Variants in ANO6 observed in about 807,000 individuals in gnomAD.
The protein encoded by ANO6 is anoctamin-6.
A neutral mutation model predicts 117.5 loss-of-function variants in ANO6; 106 were observed. That is an observed-to-expected ratio of 0.90 (90% CI 0.77 to 1.06). ANO6 has a LOEUF of 1.06. Ranked by LOEUF, ANO6 falls within the 50% of genes least tolerant of loss-of-function variation. The pLI is 0.00. For missense variants in ANO6, 955 were observed against 1,121.1 expected (o/e 0.85, Z 2.12); for synonymous variants, 367 against 385.1 (o/e 0.95, Z 0.55).
chr12:45,438,316 T>C (rs1047784560), intron 19 of ANO6, among the ~76,000 whole-genome samples: 2 of 152,010 alleles, frequency 1.3e-5, no homozygotes, highest in Non-Finnish European at 2.9e-5. Context: ...ACATATATAT[T>C]TCATTCCAAG....
In ANO6 at chr12:45,367,760, C is replaced by G; in HGVS notation, c.1071C>G (p.Phe357Leu). 1 of 1,613,664 alleles carries G rather than the reference C, an allele frequency of 6.2e-7. No homozygotes were observed. The highest frequency in any genetic ancestry group is 8.5e-7 in the Non-Finnish European group (1 of 1,179,852). Residue 357 changes from phenylalanine (F) to leucine (L), a missense_variant, in exon 9 of 20, where the codon TTC (phenylalanine) becomes TTG (leucine). Transcript: ENST00000320560. ...MCPQCDRLCPFWKLNITCESS... is the reference protein window; with the variant it reads ...MCPQCDRLCPLWKLNITCESS... ...CTCAGTGTGATAGGCTTTGTCCATT[C>G]TGGAAACTCAATATTACTTGCGAGT... is the stretch of plus-strand genomic sequence containing the variant.
In ANO6 at chr12:45,390,464, G is replaced by A. The variant is rs759903940; in HGVS notation, c.1352G>A (p.Arg451Gln). ...IPFTAWGKCIRITLCASAVFF... is the reference protein window; with the variant it reads ...IPFTAWGKCIQITLCASAVFF... ...TTTACTGCCTGGGGAAAATGTATACGGATAACCCTCTGTGCCAGTGCTGTC... is the reference window on the plus strand; with the variant it reads ...TTTACTGCCTGGGGAAAATGTATACAGATAACCCTCTGTGCCAGTGCTGTC... Residue 451 changes from arginine to glutamine, a missense_variant, in exon 12 of 20, where the codon CGG (arginine) becomes CAG (glutamine). By Grantham distance (43) the Arg-to-Gln change is conservative (BLOSUM62 1). Transcript: ENST00000320560. 4 of 1,613,824 alleles carry A rather than the reference G, an allele frequency of 2.5e-6. No homozygotes were observed. Among genetic ancestry groups the A allele is most frequent in the South Asian group, 1.1e-5 (1 of 91,038 alleles).
At chr12:45,337,599 G>A (rs1203074043) in intron 3 of ANO6, among the ~76,000 whole-genome samples, 1 of 152,072 alleles carries the variant, frequency 6.6e-6, no homozygotes, top group Non-Finnish European at 1.5e-5. Context: ...AAAAAAAGTT[G>A]AATTCATAGA....
chr12:45,325,927 G>A (rs17095723), intron 2 of ANO6, among the ~76,000 whole-genome samples: 35 of 152,092 alleles, frequency 2.3e-4, no homozygotes, highest in African/African-American at 8.5e-4. Context: ...GACATTTAAG[G>A]AAGTTTTATT....
At chr12:45,243,575 G>A (rs1041896853) in intron 1 of ANO6, among the ~76,000 whole-genome samples, 1 of 151,774 alleles carries the variant, frequency 6.6e-6, no homozygotes, top group African/African-American at 2.4e-5. Flanking sequence ...TTGAGATGGA[G>A]TTTTGTTCTT....
intron 1 of ANO6, among the ~76,000 whole-genome samples, chr12:45,219,355 T>C (rs1278102600): frequency 1.3e-5 from 2 of 152,164 alleles, no homozygotes; most frequent in African/African-American, 4.8e-5. Context: ...ATTTATTCAT[T>C]TAGAGACAGG....
intron 15 of ANO6, 51 bp downstream of exon 15, chr12:45,403,587 C>A (rs890316138): frequency 1.4e-6 from 2 of 1,459,124 alleles, no homozygotes; most frequent in Non-Finnish European, 1.9e-6. Context: ...GATAGAACAG[C>A]CCATCCACAC....
At chr12:45,411,669 C>G (rs978321274) in intron 16 of ANO6, among the ~76,000 whole-genome samples, 3 of 152,192 alleles carry the variant, frequency 2.0e-5, no homozygotes, top group African/African-American at 4.8e-5. Flanking sequence ...GAAACATCTT[C>G]CGGAAAGCAA....
chr12:45,270,594 G>C (rs1938364452), intron 1 of ANO6: 2 of 529,122 alleles, frequency 3.8e-6, no homozygotes, highest in African/African-American at 3.9e-5. Context: ...TCAGTTCCGG[G>C]AGAACAGGCC....
In ANO6 at chr12:45,246,940, A is replaced by AT. The variant is rs543458672; in HGVS notation, c.70+30558dup. 7.9e-4 allele frequency among the ~76,000 whole-genome samples: 113 copies of AT among 142,458 alleles called. No homozygotes were observed. In the East Asian group the frequency reaches 0.011, roughly 13 times the overall value. 93.5% of individuals were successfully genotyped at this position (142,458 alleles called of 152,430 possible). A position where few individuals can be genotyped will look rare whatever the true frequency, so the allele number is the denominator to read the frequency against. ...CCACCACGCGCGGCTCATTGTTTTT[A>AT]TTTTTTTTTGAGACAGAGTTTCGCT... On this transcript the variant is annotated intron_variant, in intron 1 of 19. Coordinates refer to ENST00000320560, the MANE Select transcript of ANO6 (RefSeq NM_001025356.3).
At chr12:45,280,855 CAT>C (rs1050210575) in intron 1 of ANO6, among the ~76,000 whole-genome samples, 2 of 133,552 alleles carry the variant, frequency 1.5e-5, no homozygotes, top group Non-Finnish European at 3.3e-5. Context: ...TAAATTGTAT[CAT>C]ATATGTGTTT....
intron 1 of ANO6, among the ~76,000 whole-genome samples, chr12:45,251,167 A>T (rs1222325800): frequency 6.6e-6 from 1 of 152,168 alleles, no homozygotes; most frequent in African/African-American, 2.4e-5. Flanking sequence ...CAGAGCTGGG[A>T]CCCTAGAGAC....
intron 1 of ANO6, among the ~76,000 whole-genome samples, chr12:45,235,666 A>G (rs80335632): frequency 0.014 from 2,201 of 152,328 alleles, 57 homozygotes; most frequent in African/African-American, 0.05. Context: ...TCAGTATGGA[A>G]AATGGATATT....
chr12:45,242,888 A>G (rs1947767856), intron 1 of ANO6, among the ~76,000 whole-genome samples: 1 of 152,214 alleles, frequency 6.6e-6, no homozygotes, highest in Admixed American at 6.5e-5. Flanking sequence ...TTTAATCTGC[A>G]ACTAGAATAG....
At chr12:45,415,175 A>G (rs1943184093) in intron 16 of ANO6, among the ~76,000 whole-genome samples, 2 of 152,220 alleles carry the variant, frequency 1.3e-5, no homozygotes, top group Non-Finnish European at 2.9e-5. Context: ...AGTTTGCCCA[A>G]TCAAGAGTTT....
At chr12:45,249,765 T>C (rs1947875294) in intron 1 of ANO6, among the ~76,000 whole-genome samples, 1 of 152,260 alleles carries the variant, frequency 6.6e-6, no homozygotes, top group Non-Finnish European at 1.5e-5. Flanking sequence ...TTTATGAGCC[T>C]GTGACCTCTA....
At chr12:45,301,601 A>G (rs1939490683) in intron 1 of ANO6, among the ~76,000 whole-genome samples, 1 of 150,456 alleles carries the variant, frequency 6.6e-6, no homozygotes, top group African/African-American at 2.4e-5. Context: ...TGGGTGACAG[A>G]GTGAGACCTT....
intron 1 of ANO6, among the ~76,000 whole-genome samples, chr12:45,298,165 G>C (rs1162672473): frequency 6.6e-6 from 1 of 152,164 alleles, no homozygotes; most frequent in Admixed American, 6.5e-5. Context: ...TTGATGAACA[G>C]ATAACATAGA....
chr12:45,325,736 T>C (rs1940437776), intron 2 of ANO6, among the ~76,000 whole-genome samples: 1 of 152,146 alleles, frequency 6.6e-6, no homozygotes, highest in Non-Finnish European at 1.5e-5. Flanking sequence ...GAAGGCTAAA[T>C]TGAGATTTTT....
Sources: allele counts gnomAD v4.1 joint callset (sites outside exome capture counted in the v4.1 genomes callset), GRCh38; gene constraint gnomAD v4.1.1; transcripts MANE v1.5; gene names NCBI Gene and HGNC (gene_info 2026-07-23, HGNC 2026-07-21).